PAK1: variants seen among roughly 807,000 people sequenced by gnomAD.
PAK1 encodes the protein serine/threonine-protein kinase PAK 1.
A neutral mutation model predicts 67.4 loss-of-function variants in PAK1; 29 were observed. The observed-to-expected ratio is 0.43, with a 90% CI of 0.32 to 0.59. PAK1 has a LOEUF of 0.59. Ranked by LOEUF, PAK1 falls within the 20% of genes least tolerant of loss-of-function variation. The probability of loss-of-function intolerance (pLI) is 0.07; values close to 1 mark genes in which losing one functional copy is unlikely to be tolerated. For synonymous variants in PAK1, 223 were observed against 237.4 expected, an observed-to-expected ratio of 0.94 and a Z score of 0.56; for missense variants, 337 against 670.7, an observed-to-expected ratio of 0.50 and a Z score of 5.50.
rs1353362897 is a variant in PAK1, at chr11:77,459,715, C to CG, written c.-22+13836dup. ...CTTTTTTTTTTTTTTTTTTTTGAGA[C>CG]GGAGTCTCGCTCTTTCACCCAGGCC... is the stretch of plus-strand genomic sequence containing the variant. On this transcript the variant is annotated intron_variant, in intron 1 of 14. Coordinates refer to ENST00000356341, the MANE Select transcript of PAK1 (RefSeq NM_002576.5). Among the ~76,000 whole-genome samples, 11 of 122,134 alleles carry CG rather than the reference C, an allele frequency of 9.0e-5. No individual in the cohort carries two copies. The East Asian group carries it at 2.6e-3, about 29-fold the overall frequency. The allele number at this position is 122,134 out of a possible 152,430, so 80.1% of individuals were successfully genotyped here.
intron 1 of PAK1, among the ~76,000 whole-genome samples, chr11:77,468,275 T>A (rs1957690755): frequency 6.6e-6 from 1 of 152,196 alleles, no homozygotes; most frequent in Admixed American, 6.5e-5. Flanking sequence ...AAGAATTAGA[T>A]GAATTCTACA....
intron 1 of PAK1, among the ~76,000 whole-genome samples, chr11:77,442,968 C>T (rs1956422536): frequency 6.6e-6 from 1 of 152,120 alleles, no homozygotes. Flanking sequence ...TATCACCTTC[C>T]TTGCAGATTA....
At position 77,402,643 on chromosome 11, in the gene PAK1, G is replaced by A. The variant is rs1202211820; in HGVS notation, c.-21-10102C>T. ...GAAGGAACCATAAAGGGGCCACTTC[G>A]TTCAACCTCCCAGGAAACAATGAAA... On this transcript the variant is annotated intron_variant, in intron 1 of 14. Transcript: ENST00000356341. Among the ~76,000 whole-genome samples, 8 of 152,112 alleles carry A rather than the reference G, an allele frequency of 5.3e-5. No individual in the cohort carries two copies. In the East Asian group the frequency reaches 1.4e-3, roughly 26 times the overall value.
chr11:77,400,027 T>C (rs1952453215), intron 1 of PAK1, among the ~76,000 whole-genome samples: 1 of 152,130 alleles, frequency 6.6e-6, no homozygotes, highest in African/African-American at 2.4e-5. Flanking sequence ...CTTCTGATTT[T>C]TGAAATTTTA....
chr11:77,335,579 C>A (rs1005028987), intron 13 of PAK1, among the ~76,000 whole-genome samples: 9 of 152,192 alleles, frequency 5.9e-5, no homozygotes, highest in Middle Eastern at 3.2e-3. Flanking sequence ...CAAGACACCA[C>A]CACTCTGAAC....
At chr11:77,499,135 T>TA in the PAK1 span, among the ~76,000 whole-genome samples, 56,878 of 140,978 alleles carry the variant, frequency 0.4, 12,663 homozygotes, top group African/African-American at 0.62. Flanking sequence ...CACTCACTAC[T>TA]AAAAAAAAAA....
At chr11:77,489,212 T>C in the PAK1 span, among the ~76,000 whole-genome samples, 1 of 152,182 alleles carries the variant, frequency 6.6e-6, no homozygotes, top group Non-Finnish European at 1.5e-5. Flanking sequence ...AGTGAAAATA[T>C]CCTTCAAATA....
upstream of PAK1, chr11:77,475,370 C>A (rs2135618246): frequency 6.6e-6 from 1 of 152,332 alleles, no homozygotes; most frequent in Admixed American, 6.5e-5. Context: ...ATCTATTTTT[C>A]TCACTAGTTA....
intron 6 of PAK1, 67 bp from the exon 7 acceptor site, chr11:77,355,909 G>A: frequency 1.0e-6 from 1 of 999,252 alleles, no homozygotes; most frequent in Non-Finnish European, 1.6e-6. Context: ...TCTCCTAGAT[G>A]TGAGGTTAGA....
chr11:77,362,195 G>C (rs1204274171), intron 5 of PAK1, among the ~76,000 whole-genome samples: 2 of 152,072 alleles, frequency 1.3e-5, no homozygotes, highest in Non-Finnish European at 2.9e-5. Flanking sequence ...TTGCTTAAAG[G>C]TGTATATTCT....
At chr11:77,344,562 G>C (rs533835767) in intron 9 of PAK1, among the ~76,000 whole-genome samples, 63 of 152,278 alleles carry the variant, frequency 4.1e-4, no homozygotes, top group Middle Eastern at 3.4e-3. Context: ...CCTTCTATGT[G>C]TAAGGTACTA....
intron 1 of PAK1, among the ~76,000 whole-genome samples, chr11:77,427,127 A>T (rs1237685562): frequency 2.6e-5 from 4 of 152,148 alleles, no homozygotes; most frequent in African/African-American, 4.8e-5. Flanking sequence ...AGCTCCAAAA[A>T]GTGCAGACTG....
At chr11:77,411,617 C>T (rs749940815) in intron 1 of PAK1, among the ~76,000 whole-genome samples, 20 of 152,132 alleles carry the variant, frequency 1.3e-4, no homozygotes, top group Non-Finnish European at 2.8e-4. Flanking sequence ...AAGGTTCCAC[C>T]CTCAGCCCTT....
the PAK1 span, among the ~76,000 whole-genome samples, chr11:77,505,570 CTCCCCA>C: frequency 1.3e-5 from 2 of 152,212 alleles, no homozygotes; most frequent in African/African-American, 4.8e-5. Flanking sequence ...CCCCATTCCT[CTCCCCA>C]TCCCTTGCCC....
the PAK1 span, among the ~76,000 whole-genome samples, chr11:77,527,877 G>A: frequency 7.9e-5 from 12 of 151,100 alleles, no homozygotes; most frequent in Non-Finnish European, 1.5e-4. Context: ...ACAGGGTCTC[G>A]CTCTGTCACC....
chr11:77,467,892 T>A (rs1170463734), intron 1 of PAK1, among the ~76,000 whole-genome samples: 1 of 152,204 alleles, frequency 6.6e-6, no homozygotes, highest in Non-Finnish European at 1.5e-5. Context: ...CCTTGGTAAG[T>A]GCAGTAATAC....
intron 1 of PAK1, among the ~76,000 whole-genome samples, chr11:77,417,379 A>C (rs1955022176): frequency 6.6e-6 from 1 of 152,242 alleles, no homozygotes; most frequent in Non-Finnish European, 1.5e-5. Flanking sequence ...AGCCAGTCTG[A>C]AAAGGCTGAT....
rs981784535 is a variant in PAK1 at position 77,358,262 on chromosome 11, T to C, written c.597+636A>G. On this transcript the variant is annotated intron_variant, in intron 6 of 14. Transcript: ENST00000356341. ...ACACTAGTAGAGTATCATCTGATGG[T>C]AGGTCAGTGCTCAGTGATGCCAAAT... Among the ~76,000 whole-genome samples the C allele has an allele frequency of 4.6e-5, 7 of 152,156 alleles. No individual in the cohort carries two copies. In the South Asian group the frequency reaches 6.2e-4, roughly 14 times the overall value.
chr11:77,434,445 CT>C (rs564339500), intron 1 of PAK1, among the ~76,000 whole-genome samples: 62 of 145,272 alleles, frequency 4.3e-4, no homozygotes, highest in South Asian at 6.5e-4. Flanking sequence ...TATTCTTTTT[CT>C]TTTTTTTTTT....
Sources: allele counts gnomAD v4.1 joint callset (sites outside exome capture counted in the v4.1 genomes callset), GRCh38; gene constraint gnomAD v4.1.1; transcripts MANE v1.5; gene names NCBI Gene and HGNC (gene_info 2026-07-23, HGNC 2026-07-21).